Variants in RHOBTB1 observed in about 807,000 individuals in gnomAD.
The protein encoded by RHOBTB1 is rho-related BTB domain-containing protein 1.
A neutral mutation model predicts 71.6 loss-of-function variants in RHOBTB1; 40 were observed. The observed-to-expected ratio is 0.56, with a 90% confidence interval of 0.43 to 0.73. The LOEUF (loss-of-function observed/expected upper bound fraction) is 0.73, where lower values mean the gene tolerates loss of function less well. Ranked by LOEUF, RHOBTB1 falls within the 30% of genes least tolerant of loss-of-function variation. The probability of loss-of-function intolerance (pLI) is 0.00; values close to 1 mark genes in which losing one functional copy is unlikely to be tolerated. For synonymous variants in RHOBTB1, 319 were observed against 334.9 expected, an observed-to-expected ratio of 0.95 and a Z score of 0.52; for missense variants, 797 against 894.0, an observed-to-expected ratio of 0.89 and a Z score of 1.38.
chr10:60,868,114 G>A (rs2080647729), downstream of RHOBTB1, among the ~76,000 whole-genome samples: 1 of 150,592 alleles, frequency 6.6e-6, no homozygotes, highest in African/African-American at 2.4e-5. Context: ...GCTGTTTCTG[G>A]TTACACACAC....
rs1450499580 is a variant in RHOBTB1 at position 60,869,534 on chromosome 10, C to A, written c.*1948G>T. The A allele has an allele frequency of 6.6e-6, 1 of 152,576 alleles. No homozygotes were observed. Among genetic ancestry groups the A allele is most frequent in the African/African-American group, 2.4e-5 (1 of 41,436 alleles). 9.5% of individuals were successfully genotyped at this position (152,576 alleles called of 1,614,324 possible). A position where few individuals can be genotyped will look rare whatever the true frequency, so the allele number is the denominator to read the frequency against. ...CCATAATCAGCATCAACCAAATGAA[C>A]CAGCCACTTGGTTACAGTAGCTGAT... is the stretch of plus-strand genomic sequence containing the variant. On this transcript the variant is annotated 3_prime_UTR_variant, in exon 11 of 11. Coordinates refer to ENST00000337910, the MANE Select transcript of RHOBTB1 (RefSeq NM_014836.5).
chr10:60,929,656 G>A (rs1002100113), intron 2 of RHOBTB1, among the ~76,000 whole-genome samples: 3 of 151,988 alleles, frequency 2.0e-5, no homozygotes, highest in Non-Finnish European at 4.4e-5. Context: ...TAATCTAGAA[G>A]GTTACAAAAG....
intron 2 of RHOBTB1, among the ~76,000 whole-genome samples, chr10:60,958,369 T>A (rs993820948): frequency 6.6e-6 from 1 of 152,174 alleles, no homozygotes; most frequent in African/African-American, 2.4e-5. Flanking sequence ...TTGACAGATT[T>A]TAGTTTTTAA....
At chr10:60,871,821 T>G (rs925596655) in intron 10 of RHOBTB1, among the ~76,000 whole-genome samples, 170 bp from the exon 11 acceptor site, 7 of 152,126 alleles carry the variant, frequency 4.6e-5, no homozygotes, top group Non-Finnish European at 7.3e-5. Flanking sequence ...AGGAAGAATC[T>G]CTTACCTGTA....
chr10:60,989,529 C>T (rs2086784640), intron 1 of RHOBTB1, among the ~76,000 whole-genome samples: 1 of 152,190 alleles, frequency 6.6e-6, no homozygotes, highest in Non-Finnish European at 1.5e-5. Context: ...CTCACTTCCT[C>T]TTCATAGGCA....
Position 60,923,305 on chromosome 10 carries a change from T to C in RHOBTB1, c.-10-11753A>G, listed in dbSNP as rs2083674162. 2.0e-5 allele frequency among the ~76,000 whole-genome samples: 3 copies of C among 152,334 alleles called. No homozygotes were observed. In the South Asian group the frequency reaches 6.2e-4, roughly 32 times the overall value. ...CAGAAAAAAACTTCAAACATCTGATTCATGTACTTAACCATGTAAAAGAAG... is the reference window on the plus strand; with the variant it reads ...CAGAAAAAAACTTCAAACATCTGATCCATGTACTTAACCATGTAAAAGAAG... On this transcript the variant is annotated intron_variant, in intron 2 of 10. Coordinates refer to ENST00000337910, the MANE Select transcript of RHOBTB1 (RefSeq NM_014836.5).
At chr10:60,869,054 C>T (rs1465899959), downstream of RHOBTB1, among the ~76,000 whole-genome samples, 1 of 152,238 alleles carries the variant, frequency 6.6e-6, no homozygotes, top group Non-Finnish European at 1.5e-5. Context: ...CTCAGACCTG[C>T]TTTGCAGGAA....
At chr10:60,938,808 T>C (rs756053391) in intron 2 of RHOBTB1, among the ~76,000 whole-genome samples, 3 of 152,164 alleles carry the variant, frequency 2.0e-5, no homozygotes, top group Non-Finnish European at 4.4e-5. Context: ...TGTTTCCTAG[T>C]AGTTCTTTAA....
chr10:60,936,070 A>C (rs1183711345), intron 2 of RHOBTB1, among the ~76,000 whole-genome samples: 1 of 152,256 alleles, frequency 6.6e-6, no homozygotes, highest in Non-Finnish European at 1.5e-5. Context: ...TGAATAGTAC[A>C]TTTGAAAAAT....
In RHOBTB1 at chr10:60,911,515, G is replaced by A; in HGVS notation, c.28C>T (p.Pro10Ser). 1 of 1,614,138 alleles carries A rather than the reference G, an allele frequency of 6.2e-7. No individual in the cohort carries two copies. The highest frequency in any genetic ancestry group is 8.5e-7 in the Non-Finnish European group (1 of 1,180,032). ...ACACATTTGATAGTTTCAACGTTGG[G>A]TCTTTCGTAGTCCATGTCAGCGTCC... MDADMDYER[P>S]NVETIKCVVV... Residue 10 changes from proline to serine, a missense_variant, in exon 3 of 11, where the codon CCC becomes TCC. Around this residue, in one of 2 missense-constraint regions of RHOBTB1, gnomAD observed 139 missense variants for 212.5 expected, o/e 0.65. Coordinates refer to ENST00000337910, the MANE Select transcript of RHOBTB1 (RefSeq NM_014836.5).
intron 2 of RHOBTB1, among the ~76,000 whole-genome samples, chr10:60,966,798 A>G (rs2085976758): frequency 6.7e-6 from 1 of 150,166 alleles, no homozygotes; most frequent in Non-Finnish European, 1.5e-5. Context: ...TTAACTCGTC[A>G]TTTACATTAG....
At chr10:60,969,791 T>G (rs537630413) in intron 2 of RHOBTB1, among the ~76,000 whole-genome samples, 2 of 152,266 alleles carry the variant, frequency 1.3e-5, no homozygotes, top group South Asian at 4.1e-4. Context: ...CATCATAATA[T>G]GACTTAGCTT....
intron 2 of RHOBTB1, among the ~76,000 whole-genome samples, chr10:60,954,628 G>A (rs562266141): frequency 2.6e-5 from 4 of 152,150 alleles, no homozygotes; most frequent in East Asian, 1.9e-4. Flanking sequence ...CAGTGGTGTC[G>A]CGTATTCTTA....
At chr10:60,997,833 T>C (rs1049144403) in intron 1 of RHOBTB1, among the ~76,000 whole-genome samples, 5 of 152,222 alleles carry the variant, frequency 3.3e-5, no homozygotes, top group African/African-American at 1.2e-4. Flanking sequence ...CTCTTTTGAA[T>C]TTCTGAAAGA....
chr10:60,976,126 G>A (rs919523115), intron 2 of RHOBTB1, among the ~76,000 whole-genome samples: 4 of 151,880 alleles, frequency 2.6e-5, no homozygotes, highest in Non-Finnish European at 4.4e-5. Context: ...AAATGCCATC[G>A]AAAAAGTCTT....
intron 2 of RHOBTB1, among the ~76,000 whole-genome samples, chr10:60,928,337 A>G (rs967199938): frequency 1.3e-5 from 2 of 152,156 alleles, no homozygotes; most frequent in African/African-American, 4.8e-5. Context: ...AAACAAAAAA[A>G]AAAAGAAAAT....
intron 2 of RHOBTB1, among the ~76,000 whole-genome samples, chr10:60,933,200 A>T (rs1019703778): frequency 1.3e-5 from 2 of 152,320 alleles, no homozygotes; most frequent in Admixed American, 6.5e-5. Flanking sequence ...AGTATTTTTC[A>T]GGGCATGTTC....
chr10:60,871,314 T>G lies in RHOBTB1; in HGVS notation c.*168A>C, dbSNP rs1238868763. ...TGTCCAGGCTCATTGATGGTGAGCTTGTGCTTTGATCCTAACAAAGATAAA... is the reference window on the plus strand; with the variant it reads ...TGTCCAGGCTCATTGATGGTGAGCTGGTGCTTTGATCCTAACAAAGATAAA... On this transcript the variant is annotated 3_prime_UTR_variant, in exon 11 of 11. Coordinates refer to ENST00000337910, the MANE Select transcript of RHOBTB1 (RefSeq NM_014836.5). 5 of 613,214 alleles carry G rather than the reference T, an allele frequency of 8.2e-6. No individual in the cohort carries two copies. The highest frequency in any genetic ancestry group is 1.4e-5 in the Non-Finnish European group (5 of 364,672). 38.0% of individuals were successfully genotyped at this position (613,214 alleles called of 1,614,324 possible).
At chr10:60,967,193 T>C (rs1437222366) in intron 2 of RHOBTB1, among the ~76,000 whole-genome samples, 2 of 147,734 alleles carry the variant, frequency 1.4e-5, no homozygotes, top group Non-Finnish European at 3.0e-5. Flanking sequence ...GGCAAGGGAA[T>C]AGCAAGTAAA....
Sources: gnomAD v4.1 joint callset for allele counts (sites outside exome capture counted in the v4.1 genomes callset) on GRCh38, gnomAD v4.1.1 for gene constraint, gnomAD v4.1.1 regional missense constraint, MANE v1.5 for transcripts, NCBI Gene and HGNC (gene_info 2026-07-23, HGNC 2026-07-21) for gene names.